Variants in XYLB observed in about 807,000 individuals in gnomAD.
The protein encoded by XYLB is xylulokinase.
XYLB carries 62 observed loss-of-function variants against 78.7 expected under a neutral mutation model. The observed-to-expected ratio is 0.79, with a 90% CI of 0.64 to 0.97. The LOEUF (loss-of-function observed/expected upper bound fraction) is 0.97, where lower values mean the gene tolerates loss of function less well. Ranked by LOEUF, XYLB falls within the 50% of genes least tolerant of loss-of-function variation. The pLI is 0.00. For missense variants in XYLB, 687 were observed against 676.8 expected (o/e 1.02, Z -0.17); for synonymous variants, 245 against 247.4 (o/e 0.99, Z 0.09).
chr3:38,396,954 G>A (rs887748061), intron 16 of XYLB, 118 bp from the exon 17 acceptor site: 4 of 989,968 alleles, frequency 4.0e-6, no homozygotes, highest in Non-Finnish European at 3.2e-6. Context: ...GGCAGTCGAG[G>A]TGGAATGGAA....
chr3:38,392,884 C>T (rs930340305), intron 15 of XYLB, among the ~76,000 whole-genome samples: 2 of 152,132 alleles, frequency 1.3e-5, no homozygotes, highest in Non-Finnish European at 2.9e-5. Flanking sequence ...TAAGAGATTT[C>T]CCCCCACTCC....
chr3:38,435,970 A>G, the XYLB span, among the ~76,000 whole-genome samples: 1 of 152,218 alleles, frequency 6.6e-6, no homozygotes, highest in Non-Finnish European at 1.5e-5. Flanking sequence ...AACTGCCTAC[A>G]TCAAAAAATA....
At position 38,372,659 on chromosome 3, in the gene XYLB, C is replaced by T; in HGVS notation, c.770C>T (p.Ala257Val). 6.2e-7 allele frequency: 1 copy of T among 1,614,114 alleles called. No homozygotes were observed. The highest frequency in any genetic ancestry group is 8.5e-7 in the Non-Finnish European group (1 of 1,180,010). ...TGCTTTGTCCCCGTCCCTCAGGGAG[C>T]CATTTCTTCCTACTACGTCCAGCGC... ...PPVPSCSVVG[A>V]ISSYYVQRYG... The change falls in exon 10 of 19, where the codon GCC becomes GTC. Residue 257 changes from alanine to valine, a missense_variant. Physicochemically the swap from Ala to Val is moderately conservative, Grantham distance 64. Coordinates refer to ENST00000207870, the MANE Select transcript of XYLB (RefSeq NM_005108.4).
At chr3:38,439,418 G>A in the XYLB span, among the ~76,000 whole-genome samples, 2 of 152,190 alleles carry the variant, frequency 1.3e-5, no homozygotes, top group African/African-American at 4.8e-5. Flanking sequence ...GGCTGCACAG[G>A]ACCTAGAAAG....
chr3:38,356,462 CA>C (rs1222102079), intron 2 of XYLB: 3 of 152,182 alleles, frequency 2.0e-5, no homozygotes, highest in Non-Finnish European at 4.4e-5. Context: ...CCCCTCCTGC[CA>C]GTAGTGGCAA....
At chr3:38,447,914 G>A in the XYLB span, among the ~76,000 whole-genome samples, 1 of 152,052 alleles carries the variant, frequency 6.6e-6, no homozygotes, top group Non-Finnish European at 1.5e-5. Flanking sequence ...ATACTATTCG[G>A]CCATTAAAAA....
chr3:38,436,454 C>A, the XYLB span, among the ~76,000 whole-genome samples: 1 of 152,092 alleles, frequency 6.6e-6, no homozygotes, highest in African/African-American at 2.4e-5. Flanking sequence ...AAGAAAAACC[C>A]TTTACTGGAT....
chr3:38,358,421 T>G (rs1361161626), intron 2 of XYLB, among the ~76,000 whole-genome samples: 1 of 145,910 alleles, frequency 6.9e-6, no homozygotes, highest in African/African-American at 2.5e-5. Flanking sequence ...CTCAGCTCAT[T>G]GCATCCTCCG....
At chr3:38,382,521 CAT>C (rs921522853) in intron 15 of XYLB, among the ~76,000 whole-genome samples, 13 of 152,196 alleles carry the variant, frequency 8.5e-5, no homozygotes, top group Admixed American at 3.3e-4. Flanking sequence ...AAGATTTTAA[CAT>C]GTGTAAAATG....
intron 14 of XYLB, among the ~76,000 whole-genome samples, chr3:38,378,938 A>C (rs1707005625): frequency 6.6e-6 from 1 of 151,788 alleles, no homozygotes; most frequent in South Asian, 2.1e-4. Context: ...TAGCAAGACT[A>C]ATGTAACTTA....
chr3:38,360,396 A>G lies in XYLB; in HGVS notation c.198A>G (p.Leu66=). Residue 66 remains leucine (L), a synonymous_variant, in exon 3 of 19, where the codon CTA becomes CTG. Transcript: ENST00000207870. ...GGCTGACGGTCACTTCTCCAGTACT[A>G]ATGTGGGTCCAGGTAAGCGCAGGGA... is the stretch of plus-strand genomic sequence containing the variant. ...KDGLTVTSPV[L]MWVQALDIIL... 6.2e-7 allele frequency: 1 copy of G among 1,607,020 alleles called. No homozygotes were observed. The highest frequency in any genetic ancestry group is 8.5e-7 in the Non-Finnish European group (1 of 1,176,680).
chr3:38,429,956 T>C, the XYLB span, among the ~76,000 whole-genome samples: 9 of 152,354 alleles, frequency 5.9e-5, no homozygotes, highest in Admixed American at 4.6e-4. Flanking sequence ...CAGTCTATCA[T>C]TGATGGACAT....
chr3:38,355,876 A>G, intron 2 of XYLB: 1 of 684,418 alleles, frequency 1.5e-6, no homozygotes, highest in Middle Eastern at 2.3e-4. Context: ...CATGAGGAGA[A>G]AGAAACTTCA....
chr3:38,351,338 A>G (rs1214708506), intron 2 of XYLB, among the ~76,000 whole-genome samples: 2 of 151,502 alleles, frequency 1.3e-5, no homozygotes, highest in Non-Finnish European at 2.9e-5. Flanking sequence ...CCTCTCCCTC[A>G]CTCTCTCTTC....
the XYLB span, among the ~76,000 whole-genome samples, chr3:38,428,509 A>T: frequency 2.6e-5 from 4 of 151,988 alleles, no homozygotes; most frequent in Non-Finnish European, 4.4e-5. Context: ...TATTACTTGG[A>T]CATACATATT....
At chr3:38,428,761 A>T in the XYLB span, among the ~76,000 whole-genome samples, 2 of 152,138 alleles carry the variant, frequency 1.3e-5, no homozygotes, top group Non-Finnish European at 2.9e-5. Flanking sequence ...GTAATTATTG[A>T]TGTGGTTTCT....
intron 18 of XYLB, among the ~76,000 whole-genome samples, chr3:38,402,260 A>T (rs1397986758): frequency 2.6e-5 from 4 of 152,228 alleles, no homozygotes; most frequent in Non-Finnish European, 5.9e-5. Flanking sequence ...TATTCTTGTC[A>T]GCAAACAGAT....
At position 38,348,622 on chromosome 3, in the gene XYLB, C is replaced by T; in HGVS notation, c.130C>T (p.Pro44Ser). 1 of 1,614,118 alleles carries T rather than the reference C, an allele frequency of 6.2e-7. No homozygotes were observed. Among genetic ancestry groups the T allele is most frequent in the Non-Finnish European group, 8.5e-7 (1 of 1,180,024 alleles). Residue 44 changes from proline (P) to serine (S), a missense_variant, in exon 2 of 19, where the codon CCA becomes TCA. Physicochemically the swap from Pro to Ser is moderately conservative, Grantham distance 74 (BLOSUM62 -1). Transcript: ENST00000207870. ...EESVHFDRDL[P>S]EFGTQGGVHV... ...AAGTGTGCATTTTGACAGAGATCTT[C>T]CAGAATTTGGGTATGTACTTGATGT...
rs1207825973 is a variant in XYLB, at chr3:38,388,182, T to G, written c.1292-7323T>G. ...TGGTTTTTTTTTGTTTTTTTTTTTT[T>G]TTTTTTTTTACTTTTATCATTTAAT... On this transcript the variant is annotated intron_variant, in intron 15 of 18. Coordinates refer to ENST00000207870, the MANE Select transcript of XYLB (RefSeq NM_005108.4). Among the ~76,000 whole-genome samples the G allele has an allele frequency of 4.0e-5, 6 of 150,838 alleles. 1 individual carries two copies. Among genetic ancestry groups the G allele is most frequent in the African/African-American group, 1.5e-4 (6 of 41,352 alleles).
Sources: gnomAD v4.1 joint callset for allele counts (sites outside exome capture counted in the v4.1 genomes callset) on GRCh38, gnomAD v4.1.1 for gene constraint, MANE v1.5 for transcripts, NCBI Gene and HGNC (gene_info 2026-07-23, HGNC 2026-07-21) for gene names.